Variants in ESR1 observed in about 807,000 individuals in gnomAD.
ESR1 encodes the protein estrogen receptor 1, also known as estrogen receptor.
In ESR1, 12 loss-of-function variants were observed where a neutral mutation model predicts 52.7. The observed-to-expected ratio is 0.23, with a 90% CI of 0.15 to 0.37. The LOEUF (loss-of-function observed/expected upper bound fraction) is 0.37. Ranked by LOEUF, ESR1 falls within the 10% of genes least tolerant of loss-of-function variation. ESR1 has a pLI of 1.00. For missense variants in ESR1, 584 were observed against 779.7 expected, an observed-to-expected ratio of 0.75 and a Z score of 2.99; for synonymous variants, 305 against 316.8, an observed-to-expected ratio of 0.96 and a Z score of 0.39.
intron 4 of ESR1, among the ~76,000 whole-genome samples, chr6:151,964,974 T>A (rs898358170): frequency 5.9e-5 from 9 of 152,168 alleles, no homozygotes; most frequent in African/African-American, 9.7e-5. Flanking sequence ...ATATACAGGC[T>A]TGTTGAAAAA....
intron 3 of ESR1, among the ~76,000 whole-genome samples, chr6:151,890,861 C>T (rs1343980156): frequency 6.6e-6 from 1 of 152,118 alleles, no homozygotes; most frequent in East Asian, 1.9e-4. Context: ...CCTTCGCCTT[C>T]ATTCTCTGTG....
At chr6:151,757,155 G>A (rs1169016589) in intron 2 of ESR1, among the ~76,000 whole-genome samples, 1 of 151,798 alleles carries the variant, frequency 6.6e-6, no homozygotes, top group African/African-American at 2.4e-5. Context: ...CCTACTCAGT[G>A]GGTCCTGTTA....
chr6:151,808,058 C>T lies in ESR1; in HGVS notation c.146C>T (p.Pro49Leu). The T allele has an allele frequency of 6.2e-7, 1 of 1,613,564 alleles. No individual in the cohort carries two copies. The highest frequency in any genetic ancestry group is 8.5e-7 in the Non-Finnish European group (1 of 1,179,926). ...LGEVYLDSSK[P>L]AVYNYPEGAA... The stretch of plus-strand genomic sequence containing the variant: ...GAGGTGTACCTGGACAGCAGCAAGC[C>T]CGCCGTGTACAACTACCCCGAGGGC... Residue 49 changes from proline (P) to leucine (L), a missense_variant, in exon 1 of 8, where the codon CCC (proline) becomes CTC (leucine). Physicochemically the swap from Pro to Leu is moderately conservative, Grantham distance 98. Coordinates refer to ENST00000206249, the MANE Select transcript of ESR1 (RefSeq NM_000125.4).
At chr6:151,821,287 G>T (rs1780516114) in intron 1 of ESR1, among the ~76,000 whole-genome samples, 1 of 152,038 alleles carries the variant, frequency 6.6e-6, no homozygotes, top group Non-Finnish European at 1.5e-5. Flanking sequence ...ACCTAATTCT[G>T]GTCACTACAA....
intron 2 of ESR1, among the ~76,000 whole-genome samples, chr6:151,844,023 C>G (rs971804997): frequency 1.3e-5 from 2 of 151,136 alleles, no homozygotes; most frequent in Non-Finnish European, 1.5e-5. Context: ...TCTTTTAGAA[C>G]TCTGCTGTGA....
chr6:151,851,573 G>C (rs1429012079), intron 2 of ESR1, among the ~76,000 whole-genome samples: 1 of 151,086 alleles, frequency 6.6e-6, no homozygotes, highest in South Asian at 2.1e-4. Flanking sequence ...TGTCACTGAG[G>C]CTGCAGTGCA....
At chr6:151,847,687 G>A (rs1441240951) in intron 2 of ESR1, among the ~76,000 whole-genome samples, 3 of 129,992 alleles carry the variant, frequency 2.3e-5, no homozygotes, top group African/African-American at 8.9e-5. Flanking sequence ...CCATGTTGTA[G>A]GTTGCCTGTT....
intron 1 of ESR1, among the ~76,000 whole-genome samples, chr6:151,680,795 C>T (rs1778429885): frequency 6.6e-6 from 1 of 152,170 alleles, no homozygotes; most frequent in Non-Finnish European, 1.5e-5. Flanking sequence ...ATGTTCCTAA[C>T]ACCTACAACA....
Position 151,985,709 on chromosome 6 carries a change from C to G in ESR1, c.1097-25947C>G, listed in dbSNP as rs529168086. Among the ~76,000 whole-genome samples, 44 of 152,100 alleles carry G rather than the reference C, an allele frequency of 2.9e-4. No individual in the cohort carries two copies. In the South Asian group the frequency reaches 8.9e-3, roughly 31 times the overall value. On this transcript the variant is annotated intron_variant, in intron 4 of 7. Transcript: ENST00000206249. ...TTGAGACAGTGTCTCACGCTGTCCCCCAGGCTGGAGTGCAGTGGCATGTTT... is the reference window on the plus strand; with the variant it reads ...TTGAGACAGTGTCTCACGCTGTCCCGCAGGCTGGAGTGCAGTGGCATGTTT...
chr6:151,855,475 C>G (rs1036524298), intron 2 of ESR1, among the ~76,000 whole-genome samples: 2 of 152,186 alleles, frequency 1.3e-5, no homozygotes, highest in Non-Finnish European at 2.9e-5. Context: ...AGAGACCTCC[C>G]TGTTGAAGTT....
At chr6:151,686,348 C>CTGAAAAG (rs1778673749), upstream of ESR1, among the ~76,000 whole-genome samples, 1 of 152,038 alleles carries the variant, frequency 6.6e-6, no homozygotes, top group Non-Finnish European at 1.5e-5. Flanking sequence ...GATCTGGACA[C>CTGAAAAG]TGAAAAGTGG....
chr6:151,839,201 G>C (rs966128422), intron 1 of ESR1, among the ~76,000 whole-genome samples: 2 of 152,144 alleles, frequency 1.3e-5, no homozygotes, highest in African/African-American at 2.4e-5. Flanking sequence ...AAATCTTCTA[G>C]AGAGTTCAGA....
chr6:151,807,427 T>C (rs1778047540), upstream of ESR1: 1 of 202,574 alleles, frequency 4.9e-6, no homozygotes, highest in African/African-American at 2.3e-5. Flanking sequence ...CAGTCTTCCC[T>C]GGGCCACCTT....
chr6:152,011,344 G>A (rs542076691), intron 4 of ESR1, among the ~76,000 whole-genome samples: 1 of 152,092 alleles, frequency 6.6e-6, no homozygotes, highest in East Asian at 1.9e-4. Context: ...TATTATAGCT[G>A]TCTAAGTAGA....
intron 6 of ESR1, among the ~76,000 whole-genome samples, chr6:152,062,600 C>T (rs1341355897): frequency 1.3e-5 from 2 of 152,178 alleles, no homozygotes; most frequent in Non-Finnish European, 2.9e-5. Flanking sequence ...GGGTCCAGAT[C>T]CCACAATGGC....
At chr6:151,950,154 C>T (rs1052077039) in intron 4 of ESR1, among the ~76,000 whole-genome samples, 3 of 152,186 alleles carry the variant, frequency 2.0e-5, no homozygotes, top group African/African-American at 7.2e-5. Flanking sequence ...TGTGAGGCCT[C>T]CCCAGCCACA....
intron 1 of ESR1, among the ~76,000 whole-genome samples, chr6:151,671,862 G>A (rs1327568186): frequency 6.6e-6 from 1 of 151,896 alleles, no homozygotes; most frequent in Non-Finnish European, 1.5e-5. Context: ...CATGGTGGTG[G>A]GTGCCTGTAA....
intron 1 of ESR1, chr6:151,813,527 A>G (rs1272005814): frequency 6.6e-6 from 1 of 152,170 alleles, no homozygotes. Context: ...ATTGTTTTAG[A>G]ATTCTAATTC....
At chr6:151,787,503 T>TA (rs1333410757) in intron 2 of ESR1, among the ~76,000 whole-genome samples, 12 of 152,346 alleles carry the variant, frequency 7.9e-5, no homozygotes, top group Non-Finnish European at 1.2e-4. Flanking sequence ...CATTTGTTTG[T>TA]GTCATCTCTG....
Sources: gnomAD v4.1 joint callset for allele counts (sites outside exome capture counted in the v4.1 genomes callset) on GRCh38, gnomAD v4.1.1 for gene constraint, MANE v1.5 for transcripts, NCBI Gene and HGNC (gene_info 2026-07-23, HGNC 2026-07-21) for gene names.